Variants in FBN1 observed in about 807,000 individuals in gnomAD.
The protein encoded by FBN1 is fibrillin 1.
A neutral mutation model predicts 365.1 loss-of-function variants in FBN1; 29 were observed. The ratio of observed to expected loss-of-function variants is 0.08; its 90% confidence interval spans 0.06 to 0.11. The LOEUF is 0.11. Among genes scored for constraint, FBN1 ranks in the 10% least tolerant of loss-of-function variants. FBN1 has a pLI of 1.00. For synonymous variants in FBN1, 1,210 were observed against 1,270.5 expected, an observed-to-expected ratio of 0.95 and a Z score of 1.01; for missense variants, 2,476 against 3,703.2, an observed-to-expected ratio of 0.67 and a Z score of 8.60.
intron 8 of FBN1, chr15:48,529,535 T>C (rs1336672228): frequency 6.6e-6 from 1 of 152,274 alleles, no homozygotes; most frequent in East Asian, 1.9e-4. Context: ...ATTACTTGGC[T>C]ATCTAGAAGC....
At chr15:48,599,055 A>C (rs2044538523) in intron 5 of FBN1, among the ~76,000 whole-genome samples, 1 of 152,188 alleles carries the variant, frequency 6.6e-6, no homozygotes, top group Non-Finnish European at 1.5e-5. Flanking sequence ...CTCCCCAGCC[A>C]TGTGGAACTG....
At chr15:48,610,929 A>C (rs1018148) in intron 3 of FBN1, 103 bp from the exon 4 acceptor site, 1 of 872,752 alleles carries the variant, frequency 1.1e-6, no homozygotes, top group Non-Finnish European at 1.9e-6. Flanking sequence ...GGTCCCTCAC[A>C]AACTTTGCTA....
At chr15:48,484,532 C>G (rs1409475855) in intron 30 of FBN1, among the ~76,000 whole-genome samples, 2 of 152,016 alleles carry the variant, frequency 1.3e-5, no homozygotes, top group Non-Finnish European at 2.9e-5. Flanking sequence ...CCACCACACC[C>G]AACTAATTTT....
chr15:48,485,617 G>A, intron 29 of FBN1, 121 bp from the exon 30 acceptor site: 1 of 1,092,956 alleles, frequency 9.1e-7, no homozygotes. Context: ...CTTTAAAAGA[G>A]GTAATCATCC....
chr15:48,461,712 G>C (rs191621503), intron 42 of FBN1, among the ~76,000 whole-genome samples: 1 of 152,268 alleles, frequency 6.6e-6, no homozygotes, highest in Admixed American at 6.5e-5. Context: ...AAGGGACAGA[G>C]AGTAAATATC....
At chr15:48,553,208 C>T (rs1479370086) in intron 6 of FBN1, among the ~76,000 whole-genome samples, 1 of 152,036 alleles carries the variant, frequency 6.6e-6, no homozygotes, top group Non-Finnish European at 1.5e-5. Context: ...ATGTGATATG[C>T]CCTATATACT....
intron 26 of FBN1, 49 bp from the exon 27 acceptor site, chr15:48,488,290 A>T (rs895677526): frequency 1.9e-6 from 3 of 1,613,880 alleles, no homozygotes; most frequent in East Asian, 2.2e-5. Context: ...GACAGCCTTA[A>T]TTCTTGCGAC....
intron 8 of FBN1, among the ~76,000 whole-genome samples, chr15:48,532,346 AAC>A (rs1304296972): frequency 6.6e-6 from 1 of 152,230 alleles, no homozygotes; most frequent in Non-Finnish European, 1.5e-5. Context: ...TAAAAGATAA[AAC>A]ACAACCTATC....
intron 36 of FBN1, among the ~76,000 whole-genome samples, chr15:48,470,430 C>G (rs570719935): frequency 6.6e-6 from 1 of 152,316 alleles, no homozygotes; most frequent in African/African-American, 2.4e-5. Flanking sequence ...ACAAACTGTG[C>G]TCCTTCAATT....
At chr15:48,412,974 G>C (rs1387894481) in intron 64 of FBN1, among the ~76,000 whole-genome samples, 1 of 152,200 alleles carries the variant, frequency 6.6e-6, no homozygotes, top group Non-Finnish European at 1.5e-5. Context: ...CCCTGTCTTG[G>C]ATATTTATTT....
chr15:48,534,372 G>A (rs893825226), intron 7 of FBN1, among the ~76,000 whole-genome samples, 167 bp from the exon 8 acceptor site: 2 of 152,176 alleles, frequency 1.3e-5, no homozygotes, highest in African/African-American at 2.4e-5. Flanking sequence ...TCTCACAATT[G>A]CATTATGTAA....
rs2042851588 is a variant in FBN1 at position 48,410,480 on chromosome 15, T to C, written c.*510A>G. On this transcript the variant is annotated 3_prime_UTR_variant, in exon 66 of 66. Coordinates refer to ENST00000316623, the MANE Select transcript of FBN1 (RefSeq NM_000138.5). Reference sequence around the variant, plus strand: ...ACTAACTTTGGTTGATTGAAATTAATGAAGTATTGGAACTGAATACTTGTA... The same window carrying C: ...ACTAACTTTGGTTGATTGAAATTAACGAAGTATTGGAACTGAATACTTGTA... The C allele has an allele frequency of 6.3e-6, 1 of 158,524 alleles. No individual in the cohort carries two copies. Among genetic ancestry groups the C allele is most frequent in the Admixed American group, 6.1e-5 (1 of 16,326 alleles). 9.8% of individuals were successfully genotyped at this position (158,524 alleles called of 1,614,324 possible). A position where few individuals can be genotyped will look rare whatever the true frequency, so the allele number is the denominator to read the frequency against.
At chr15:48,469,124 A>AAATATAATATATATTACATATATATATAT (rs1249540975) in intron 36 of FBN1, among the ~76,000 whole-genome samples, 34 of 124,960 alleles carry the variant, frequency 2.7e-4, no homozygotes, top group East Asian at 2.6e-4. Flanking sequence ...TATATATATA[A>AAATATAATATATATTACATATATATATAT]AATATAATAT....
chr15:48,434,471 A>C, intron 54 of FBN1, 123 bp downstream of exon 54: 2 of 1,218,268 alleles, frequency 1.6e-6, no homozygotes, highest in East Asian at 4.7e-5. Context: ...CAAATGGCCC[A>C]TCAGGCCTAG....
At chr15:48,553,124 A>T (rs2141375412) in intron 6 of FBN1, among the ~76,000 whole-genome samples, 1 of 152,272 alleles carries the variant, frequency 6.6e-6, no homozygotes, top group African/African-American at 2.4e-5. Context: ...CTATTTTTTA[A>T]ATAAGCTCAC....
At chr15:48,464,402 T>A (rs533235120) in intron 40 of FBN1, among the ~76,000 whole-genome samples, 1 of 151,992 alleles carries the variant, frequency 6.6e-6, no homozygotes, top group Non-Finnish European at 1.5e-5. Flanking sequence ...TCCCAGCTAC[T>A]CTACTCGGGA....
chr15:48,534,312 G>A, intron 7 of FBN1, 107 bp from the exon 8 acceptor site: 1 of 1,191,548 alleles, frequency 8.4e-7, no homozygotes, highest in Non-Finnish European at 1.2e-6. Flanking sequence ...ATTTATATCG[G>A]TGAGTTATTT....
chr15:48,505,014 T>C lies in FBN1; in HGVS notation c.1960+11A>G, dbSNP rs764081119. 1.2e-6 allele frequency: 2 copies of C among 1,614,144 alleles called. No homozygotes were observed. The highest frequency in any genetic ancestry group is 1.7e-6 in the Non-Finnish European group (2 of 1,179,996). ...ACCTCTCTCATAAGGTTAGCCATGA[T>C]GTTTTCTTACCAACACACACACGGC... is the stretch of plus-strand genomic sequence containing the variant. On this transcript the variant is annotated intron_variant, in intron 16 of 65. Coordinates refer to ENST00000316623, the MANE Select transcript of FBN1 (RefSeq NM_000138.5).
chr15:48,608,799 A>T (rs1002214402), intron 4 of FBN1, among the ~76,000 whole-genome samples: 13 of 151,974 alleles, frequency 8.6e-5, no homozygotes, highest in African/African-American at 3.1e-4. Context: ...TACTCGTCAC[A>T]CCCCACAGTT....
Sources: gnomAD v4.1 joint callset for allele counts (sites outside exome capture counted in the v4.1 genomes callset) on GRCh38, gnomAD v4.1.1 for gene constraint, MANE v1.5 for transcripts, NCBI Gene and HGNC (gene_info 2026-07-23, HGNC 2026-07-21) for gene names.